Variants in TNRC6B observed in about 807,000 individuals in gnomAD.
TNRC6B encodes the protein trinucleotide repeat-containing gene 6B protein.
TNRC6B carries 52 observed loss-of-function variants against 203.6 expected under a neutral mutation model. The observed-to-expected ratio is 0.26, with a 90% CI of 0.20 to 0.32. The LOEUF (loss-of-function observed/expected upper bound fraction) is 0.32, where lower values mean the gene tolerates loss of function less well. TNRC6B is among the 10% of genes least tolerant of loss of function. TNRC6B has a pLI of 1.00. For synonymous variants in TNRC6B, 838 were observed against 845.7 expected, an observed-to-expected ratio of 0.99 and a Z score of 0.16; for missense variants, 1,923 against 2,286.2, an observed-to-expected ratio of 0.84 and a Z score of 3.24.
intron 1 of TNRC6B, among the ~76,000 whole-genome samples, chr22:40,214,005 C>T (rs1386673628): frequency 6.6e-6 from 1 of 152,128 alleles, no homozygotes; most frequent in African/African-American, 2.4e-5. Context: ...CGGTGGCTCA[C>T]GCTTGTAATC....
At chr22:40,310,224 G>C (rs2071155600) in intron 16 of TNRC6B, among the ~76,000 whole-genome samples, 1 of 152,192 alleles carries the variant, frequency 6.6e-6, no homozygotes, top group Non-Finnish European at 1.5e-5. Flanking sequence ...CAGAGCTGCA[G>C]AGTTCATTGC....
chr22:40,149,163 A>C (rs1338735178), intron 3 of TNRC6B, among the ~76,000 whole-genome samples: 1 of 152,246 alleles, frequency 6.6e-6, no homozygotes, highest in Non-Finnish European at 1.5e-5. Context: ...TGAACAATGG[A>C]ATACTACTCA....
chr22:40,219,919 C>T (rs142105954), intron 1 of TNRC6B, among the ~76,000 whole-genome samples: 56 of 152,264 alleles, frequency 3.7e-4, no homozygotes, highest in African/African-American at 1.3e-3. Flanking sequence ...GTCTTTTTCT[C>T]CTCTGTCCTG....
rs540122575 is a variant in TNRC6B at position 40,111,324 on chromosome 22, C to T, written c.-120-5731C>T. Among the ~76,000 whole-genome samples, 9 of 152,228 alleles carry T rather than the reference C, an allele frequency of 5.9e-5. No individual in the cohort carries two copies. In the East Asian group the frequency reaches 7.7e-4, roughly 13 times the overall value. On this transcript the variant is annotated intron_variant, in intron 1 of 23. Coordinates refer to the TNRC6B transcript ENST00000301923. ...TGAGCAGGGACCAGGCCTCGCCGAC[C>T]GCAGTGGGAATGGGGTTTTATCTAC...
chr22:40,092,411 A>G (rs2068157665), intron 1 of TNRC6B, among the ~76,000 whole-genome samples: 1 of 152,198 alleles, frequency 6.6e-6, no homozygotes, highest in Non-Finnish European at 1.5e-5. Context: ...CAAAAAAAAA[A>G]AAACAGATTT....
At chr22:40,143,231 A>G (rs978682044) in intron 3 of TNRC6B, among the ~76,000 whole-genome samples, 1 of 152,106 alleles carries the variant, frequency 6.6e-6, no homozygotes, top group African/African-American at 2.4e-5. Context: ...GGAGTTTGAA[A>G]CCAGCCTGGG....
chr22:40,071,920 C>T (rs1298822105), intron 1 of TNRC6B, among the ~76,000 whole-genome samples: 6 of 152,164 alleles, frequency 3.9e-5, no homozygotes, highest in Admixed American at 3.3e-4. Flanking sequence ...TACATTGGCG[C>T]GATCATAGCT....
At chr22:40,312,470 C>A (rs2071197714) in intron 17 of TNRC6B, 35 bp from the exon 18 acceptor site, 1 of 1,575,332 alleles carries the variant, frequency 6.3e-7, no homozygotes, top group Non-Finnish European at 8.6e-7. Flanking sequence ...TTTTTAACGA[C>A]CTTCCTTCTC....
At position 40,323,001 on chromosome 22, in the gene TNRC6B, C is replaced by T. The variant is rs748215030; in HGVS notation, c.5262C>T (p.Asn1754=). 3.1e-6 allele frequency: 5 copies of T among 1,608,048 alleles called. No individual in the cohort carries two copies. The highest frequency in any genetic ancestry group is 4.2e-6 in the Non-Finnish European group (5 of 1,177,142). The change falls in exon 23 of 23, where the codon AAC becomes AAT. Residue 1754 remains asparagine (N), a synonymous_variant. Coordinates refer to ENST00000454349, the MANE Select transcript of TNRC6B (RefSeq NM_001162501.2). The part of the protein sequence containing the change: ...AGWQSLETGQ[N]QSDPVGPALN... ...GGCAGTCGCTGGAGACCGGCCAGAACCAGTCAGATCCCGTGGGACCTGCTC... is the reference window on the plus strand; with the variant it reads ...GGCAGTCGCTGGAGACCGGCCAGAATCAGTCAGATCCCGTGGGACCTGCTC...
rs1448362470 is a variant in TNRC6B at position 40,327,085 on chromosome 22, C to T, written c.*3844C>T. The T allele has an allele frequency of 6.5e-6, 1 of 152,786 alleles. No homozygotes were observed. The highest frequency in any genetic ancestry group is 1.9e-4 in the East Asian group (1 of 5,182). 9.5% of individuals were successfully genotyped at this position (152,786 alleles called of 1,614,324 possible). A position where few individuals can be genotyped will look rare whatever the true frequency, so the allele number is the denominator to read the frequency against. The stretch of plus-strand genomic sequence containing the variant: ...GAATTCCCAAGCATGACCACAGCTT[C>T]TTTTAAACATTAAGCTTCCCAGTGG... On this transcript the variant is annotated 3_prime_UTR_variant, in exon 23 of 23. Coordinates refer to ENST00000454349, the MANE Select transcript of TNRC6B (RefSeq NM_001162501.2).
At chr22:40,217,063 T>C (rs1465643618) in intron 1 of TNRC6B, among the ~76,000 whole-genome samples, 1 of 152,124 alleles carries the variant, frequency 6.6e-6, no homozygotes, top group East Asian at 1.9e-4. Context: ...TCCTTTCCTC[T>C]AAGTCATCTG....
At chr22:40,302,652 G>A (rs928953200) in intron 15 of TNRC6B, among the ~76,000 whole-genome samples, 3 of 147,058 alleles carry the variant, frequency 2.0e-5, no homozygotes, top group Non-Finnish European at 4.5e-5. Flanking sequence ...AAAAAAAAAA[G>A]AGTTGGGAAG....
intron 12 of TNRC6B, among the ~76,000 whole-genome samples, chr22:40,290,845 T>G (rs578134858): frequency 1.3e-5 from 2 of 152,128 alleles, no homozygotes; most frequent in Admixed American, 1.3e-4. Context: ...CATATCAGAG[T>G]GATTTCAAAA....
At chr22:40,183,517 T>A (rs2069162701) in intron 1 of TNRC6B, among the ~76,000 whole-genome samples, 1 of 152,218 alleles carries the variant, frequency 6.6e-6, no homozygotes, top group Admixed American at 6.5e-5. Context: ...CACGTTTACT[T>A]GGCTGTTTTT....
At chr22:40,188,026 C>T (rs2069226058) in intron 1 of TNRC6B, among the ~76,000 whole-genome samples, 1 of 152,036 alleles carries the variant, frequency 6.6e-6, no homozygotes, top group African/African-American at 2.4e-5. Context: ...TTGAGACCAG[C>T]CTGGCCAACA....
In TNRC6B at chr22:40,240,080, C is replaced by T. The variant is rs973166897; in HGVS notation, c.6-5935C>T. On this transcript the variant is annotated intron_variant, in intron 1 of 22. Transcript: ENST00000454349. ...ACTCCTGACCTCATGATTTGCCCGCCTCAGCCTCCGAAAGTGCTGGGATTA... is the reference window on the plus strand; with the variant it reads ...ACTCCTGACCTCATGATTTGCCCGCTTCAGCCTCCGAAAGTGCTGGGATTA... 1.5e-4 allele frequency among the ~76,000 whole-genome samples: 23 copies of T among 152,086 alleles called. No individual in the cohort carries two copies. The South Asian group carries it at 2.3e-3, about 15-fold the overall frequency.
chr22:40,236,558 C>T (rs1364888032), intron 1 of TNRC6B, among the ~76,000 whole-genome samples: 2 of 152,082 alleles, frequency 1.3e-5, no homozygotes, highest in Admixed American at 6.6e-5. Flanking sequence ...GAACTAGGAC[C>T]GAAGGTGCTG....
At chr22:40,175,935 A>G (rs943388304), upstream of TNRC6B, among the ~76,000 whole-genome samples, 3 of 152,186 alleles carry the variant, frequency 2.0e-5, no homozygotes, top group South Asian at 4.1e-4. Flanking sequence ...CAGGATGACA[A>G]CAAGTGTTGT....
intron 1 of TNRC6B, among the ~76,000 whole-genome samples, chr22:40,064,816 C>T (rs972258377): frequency 2.6e-5 from 4 of 151,974 alleles, no homozygotes; most frequent in Non-Finnish European, 4.4e-5. Flanking sequence ...AGGGTTTCAC[C>T]ATGTTGGCCA....
Sources: allele counts gnomAD v4.1 joint callset (sites outside exome capture counted in the v4.1 genomes callset), GRCh38; gene constraint gnomAD v4.1.1; transcripts MANE v1.5; gene names NCBI Gene and HGNC (gene_info 2026-07-23, HGNC 2026-07-21).